RTN1: variants seen among roughly 807,000 people sequenced by gnomAD.
The protein encoded by RTN1 is reticulon-1.
A neutral mutation model predicts 65.5 loss-of-function variants in RTN1; 25 were observed. The observed-to-expected ratio is 0.38, with a 90% CI of 0.28 to 0.53. RTN1 has a LOEUF of 0.53. Ranked by LOEUF, RTN1 falls within the 20% of genes least tolerant of loss-of-function variation. RTN1 has a pLI of 0.79. For missense variants in RTN1, 983 were observed against 1,025.4 expected (o/e 0.96, Z 0.57); for synonymous variants, 471 against 447.6 (o/e 1.05, Z -0.66).
At chr14:59,813,706 G>A (rs1001179430) in intron 1 of RTN1, among the ~76,000 whole-genome samples, 2 of 152,064 alleles carry the variant, frequency 1.3e-5, no homozygotes, top group African/African-American at 2.4e-5. Context: ...CCTCAGTACT[G>A]AGAGTAAAAA....
intron 1 of RTN1, among the ~76,000 whole-genome samples, chr14:59,763,563 C>T (rs1885791314): frequency 6.8e-6 from 1 of 146,376 alleles, no homozygotes; most frequent in Admixed American, 6.9e-5. Flanking sequence ...GACAGAGTCT[C>T]GCCCTGTTGC....
At chr14:59,604,138 G>A (rs184657187) in intron 5 of RTN1, 160 of 311,358 alleles carry the variant, frequency 5.1e-4, no homozygotes, top group African/African-American at 3.0e-3. Flanking sequence ...TAAGGTTTGA[G>A]GGACTCAAGG....
chr14:59,660,036 A>T (rs1332918083), intron 3 of RTN1, among the ~76,000 whole-genome samples: 1 of 152,164 alleles, frequency 6.6e-6, no homozygotes, highest in African/African-American at 2.4e-5. Flanking sequence ...AAATAAAGGG[A>T]TGTAGGAATA....
intron 1 of RTN1, among the ~76,000 whole-genome samples, chr14:59,866,364 C>T (rs891757749): frequency 1.3e-5 from 2 of 151,994 alleles, no homozygotes; most frequent in Admixed American, 6.6e-5. Context: ...GGCAAGATAA[C>T]CAATAATGCT....
chr14:59,844,237 A>T (rs1005167412), intron 1 of RTN1, among the ~76,000 whole-genome samples: 8 of 152,204 alleles, frequency 5.3e-5, no homozygotes, highest in Admixed American at 4.6e-4. Context: ...TGTCATTGTG[A>T]CTATACTAAG....
intron 3 of RTN1, among the ~76,000 whole-genome samples, chr14:59,618,513 C>A (rs1357384236): frequency 6.6e-6 from 1 of 152,240 alleles, no homozygotes; most frequent in Non-Finnish European, 1.5e-5. Context: ...TCCTTAAAAA[C>A]TCTGCTCCCT....
At chr14:59,843,377 C>A (rs1566745038) in intron 1 of RTN1, among the ~76,000 whole-genome samples, 2 of 152,018 alleles carry the variant, frequency 1.3e-5, no homozygotes, top group African/African-American at 4.8e-5. Context: ...TTTGATCTGG[C>A]CTGATCTGGG....
At chr14:59,689,980 T>C (rs945352275) in intron 3 of RTN1, among the ~76,000 whole-genome samples, 13 of 97,216 alleles carry the variant, frequency 1.3e-4, no homozygotes, top group Admixed American at 1.1e-3. Flanking sequence ...TTGAATGTAA[T>C]TTCCTTTTTT....
chr14:59,696,535 C>A (rs1018791650), intron 3 of RTN1, among the ~76,000 whole-genome samples: 3 of 150,594 alleles, frequency 2.0e-5, no homozygotes, highest in Non-Finnish European at 2.9e-5. Flanking sequence ...TGCAGAGATA[C>A]TACATGGAAA....
chr14:59,827,065 T>TTTGTTGTTG (rs144561240), intron 1 of RTN1, among the ~76,000 whole-genome samples: 8 of 151,122 alleles, frequency 5.3e-5, no homozygotes, highest in African/African-American at 2.0e-4. Flanking sequence ...GTATATGTGT[T>TTTGTTGTTG]TTGTTGTTGT....
At chr14:59,603,377 A>G in intron 6 of RTN1, 119 bp from the exon 7 acceptor site, 3 of 742,822 alleles carry the variant, frequency 4.0e-6, no homozygotes, top group Non-Finnish European at 4.2e-6. Context: ...ACAGCATTTT[A>G]TTTTATTTTT....
At chr14:59,862,158 T>C (rs1437243314) in intron 1 of RTN1, among the ~76,000 whole-genome samples, 1 of 152,206 alleles carries the variant, frequency 6.6e-6, no homozygotes, top group Non-Finnish European at 1.5e-5. Context: ...TTAAATAGAA[T>C]TTTCAGAACT....
intron 1 of RTN1, among the ~76,000 whole-genome samples, chr14:59,813,791 C>T (rs1886771393): frequency 6.6e-6 from 1 of 151,942 alleles, no homozygotes; most frequent in East Asian, 1.9e-4. Context: ...TTACTTTTTT[C>T]TCTATTTCCA....
intron 1 of RTN1, among the ~76,000 whole-genome samples, chr14:59,799,211 G>A (rs8017824): frequency 0.14 from 21,171 of 152,132 alleles, 1,674 homozygotes; most frequent in South Asian, 0.27. Flanking sequence ...GCTAAGGATA[G>A]TACACTTAGT....
chr14:59,801,381 G>A (rs1886543192), intron 1 of RTN1, among the ~76,000 whole-genome samples: 1 of 152,026 alleles, frequency 6.6e-6, no homozygotes, highest in Admixed American at 6.6e-5. Context: ...GACAGGGGAG[G>A]AAAGATAAGA....
At chr14:59,838,244 C>T (rs972111826) in intron 1 of RTN1, among the ~76,000 whole-genome samples, 2 of 152,126 alleles carry the variant, frequency 1.3e-5, no homozygotes, top group Non-Finnish European at 2.9e-5. Flanking sequence ...TTTAGGTAAT[C>T]GCCTTCAGCC....
chr14:59,657,444 A>G (rs771950117), intron 3 of RTN1, among the ~76,000 whole-genome samples: 4 of 152,134 alleles, frequency 2.6e-5, no homozygotes, highest in Non-Finnish European at 5.9e-5. Flanking sequence ...AAAAGGGTGT[A>G]TGGCTGGCAA....
chr14:59,607,074 C>T (rs1337319591), intron 4 of RTN1, among the ~76,000 whole-genome samples: 5 of 152,150 alleles, frequency 3.3e-5, no homozygotes, highest in Non-Finnish European at 7.3e-5. Flanking sequence ...GAAAACTCAA[C>T]AAAGCAATAA....
chr14:59,715,014 C>G (rs1884504691), intron 3 of RTN1, among the ~76,000 whole-genome samples: 1 of 152,174 alleles, frequency 6.6e-6, no homozygotes, highest in South Asian at 2.1e-4. Flanking sequence ...ATGCCTGATG[C>G]TTTGAGGTGG....
Sources: gnomAD v4.1 joint callset for allele counts (sites outside exome capture counted in the v4.1 genomes callset) on GRCh38, gnomAD v4.1.1 for gene constraint, MANE v1.5 for transcripts, NCBI Gene and HGNC (gene_info 2026-07-23, HGNC 2026-07-21) for gene names.